Variants in DYNC2LI1 observed in about 807,000 individuals in gnomAD.
DYNC2LI1 encodes the protein dynein cytoplasmic 2 light intermediate chain 1.
In DYNC2LI1, 45 loss-of-function variants were observed where a neutral mutation model predicts 51.9. The ratio of observed to expected loss-of-function variants is 0.87; its 90% CI spans 0.68 to 1.11. DYNC2LI1 has a LOEUF of 1.11. DYNC2LI1 is among the 50% of genes most tolerant of loss of function. The pLI is 0.00. For missense variants in DYNC2LI1, 490 were observed against 417.4 expected, an observed-to-expected ratio of 1.17 and a Z score of -1.51; for synonymous variants, 130 against 137.8, an observed-to-expected ratio of 0.94 and a Z score of 0.40.
chr2:43,782,115 G>T (rs1231214140), intron 2 of DYNC2LI1, among the ~76,000 whole-genome samples: 1 of 151,904 alleles, frequency 6.6e-6, no homozygotes, highest in Admixed American at 6.6e-5. Context: ...TACTATGTCA[G>T]TAAGTATATT....
At chr2:43,823,910 T>TGG in the DYNC2LI1 span, 4 of 1,613,850 alleles carry the variant, frequency 2.5e-6, no homozygotes, top group Non-Finnish European at 3.4e-6. Context: ...CGTGGGCACT[T>TGG]ACACAGATTC....
At chr2:43,818,445 A>AAAAAAC in the DYNC2LI1 span, among the ~76,000 whole-genome samples, 15 of 152,352 alleles carry the variant, frequency 9.8e-5, no homozygotes, top group African/African-American at 3.4e-4. Flanking sequence ...CTGTGTTTCA[A>AAAAAAC]AAAAACAAAA....
rs75726568 is a variant in DYNC2LI1 at position 43,792,580 on chromosome 2, A to G, written c.321-1877A>G. On this transcript the variant is annotated intron_variant, in intron 5 of 12. Transcript: ENST00000260605. ...ACTGTGCAGTTCAGTAACATCAAGT[A>G]TATTCTCATCACCATACATCTCCAG... The G allele has an allele frequency of 7.0e-3, 8,952 of 1,272,596 alleles. 160 individuals are homozygous for G. Among genetic ancestry groups the G allele is most frequent in the African/African-American group, 0.061 (4,014 of 65,460 alleles). The allele number at this position is 1,272,596 out of a possible 1,614,324, so 78.8% of individuals were successfully genotyped here.
At chr2:43,813,180 A>G, downstream of DYNC2LI1, 1 of 1,552,378 alleles carries the variant, frequency 6.4e-7, no homozygotes, top group Non-Finnish European at 8.9e-7. Flanking sequence ...AAGAGCTGGA[A>G]TAAATGAATA....
At chr2:43,814,543 TA>T, downstream of DYNC2LI1, 1 of 1,609,390 alleles carries the variant, frequency 6.2e-7, no homozygotes, top group Non-Finnish European at 8.5e-7. Context: ...TTTTGGAATG[TA>T]AAATAACTGA....
At chr2:43,824,240 G>C in the DYNC2LI1 span, 1 of 1,614,238 alleles carries the variant, frequency 6.2e-7, no homozygotes, top group Admixed American at 1.7e-5. Flanking sequence ...ACCCAGTTTA[G>C]AGAAAACTCC....
rs147945833 is a variant in DYNC2LI1, at chr2:43,797,989, TG to T, written c.654+1196del. Reference sequence around the variant, plus strand: ...AAAAATTTTAAAAATTAGCTGGCCATGGTGGCACACACCAGTTGTCTCAGCT... The same window carrying T: ...AAAAATTTTAAAAATTAGCTGGCCATGTGGCACACACCAGTTGTCTCAGCT... On this transcript the variant is annotated intron_variant, in intron 8 of 12. Coordinates refer to ENST00000260605, the MANE Select transcript of DYNC2LI1 (RefSeq NM_016008.4). Among the ~76,000 whole-genome samples the T allele has an allele frequency of 6.2e-3, 936 of 151,818 alleles. 16 individuals are homozygous for T. Among genetic ancestry groups the T allele is most frequent in the African/African-American group, 0.021 (885 of 41,432 alleles).
At chr2:43,781,395 A>T (rs1214298938) in intron 2 of DYNC2LI1, among the ~76,000 whole-genome samples, 2 of 151,092 alleles carry the variant, frequency 1.3e-5, no homozygotes, top group African/African-American at 4.9e-5. Context: ...GGCGAGGGGG[A>T]GTGATTTAAA....
In DYNC2LI1 at chr2:43,801,576, A is replaced by G. The variant is rs900632964; in HGVS notation, c.732-63A>G. The G allele has an allele frequency of 2.5e-6, 3 of 1,212,520 alleles. No individual in the cohort carries two copies. The African/African-American group carries it at 4.5e-5, about 18-fold the overall frequency. The allele number at this position is 1,212,520 out of a possible 1,614,324, so 75.1% of individuals were successfully genotyped here. A position where few individuals can be genotyped will look rare whatever the true frequency, so the allele number is the denominator to read the frequency against. On this transcript the variant is annotated intron_variant, in intron 9 of 12. Transcript: ENST00000260605. ...CCGATAATATTGCTGTCATATTTAC[A>G]GGAGAGCGTGGCAGCAAATCTAATT...
chr2:43,822,259 T>C, the DYNC2LI1 span, among the ~76,000 whole-genome samples: 2 of 152,208 alleles, frequency 1.3e-5, no homozygotes, highest in Non-Finnish European at 2.9e-5. Context: ...CCTTCTCCCT[T>C]TATGCTTCAC....
chr2:43,818,542 C>G, the DYNC2LI1 span, among the ~76,000 whole-genome samples: 5 of 152,242 alleles, frequency 3.3e-5, no homozygotes, highest in African/African-American at 1.2e-4. Context: ...GAAATGGCAC[C>G]AGATTAACTG....
chr2:43,812,673 C>A (rs1233614603), downstream of DYNC2LI1: 3 of 197,194 alleles, frequency 1.5e-5, no homozygotes, highest in South Asian at 9.6e-5. Flanking sequence ...TGCATGATAA[C>A]CTTGCTTCAT....
the DYNC2LI1 span, chr2:43,826,642 G>T: frequency 2.3e-5 from 34 of 1,461,036 alleles, no homozygotes; most frequent in Non-Finnish European, 4.7e-6. Flanking sequence ...TGTGCGGTGG[G>T]AAGTAAACAT....
At chr2:43,813,876 G>A (rs71420072), downstream of DYNC2LI1, among the ~76,000 whole-genome samples, 13 of 151,470 alleles carry the variant, frequency 8.6e-5, no homozygotes, top group African/African-American at 2.4e-5. Flanking sequence ...GCACCACCAC[G>A]CCTGGCTAAT....
the DYNC2LI1 span, chr2:43,826,289 T>A: frequency 6.3e-7 from 1 of 1,585,708 alleles, no homozygotes; most frequent in South Asian, 1.1e-5. Context: ...TGTGAGCCAC[T>A]GTGCCTGGCC....
chr2:43,826,711 C>T, the DYNC2LI1 span, among the ~76,000 whole-genome samples: 5 of 152,332 alleles, frequency 3.3e-5, no homozygotes, highest in Admixed American at 1.3e-4. Context: ...GGGCCTAGTT[C>T]CCAGCTCTGG....
chr2:43,822,672 A>G, the DYNC2LI1 span: 1 of 1,559,904 alleles, frequency 6.4e-7, no homozygotes, highest in Non-Finnish European at 8.7e-7. Context: ...TGCACTAGAC[A>G]CTGATGGGCA....
the DYNC2LI1 span, among the ~76,000 whole-genome samples, chr2:43,823,719 G>T: frequency 6.6e-6 from 1 of 152,198 alleles, no homozygotes; most frequent in Non-Finnish European, 1.5e-5. Flanking sequence ...CCCTCAGAGA[G>T]ATCCACCTGG....
chr2:43,822,479 C>CG, the DYNC2LI1 span: 94,978 of 668,520 alleles, frequency 0.14, 14,070 homozygotes, highest in African/African-American at 0.43. Flanking sequence ...CTCCCCCAGG[C>CG]CCCCCCCCAT....
Sources: allele counts gnomAD v4.1 joint callset (sites outside exome capture counted in the v4.1 genomes callset), GRCh38; gene constraint gnomAD v4.1.1; transcripts MANE v1.5; gene names NCBI Gene and HGNC (gene_info 2026-07-23, HGNC 2026-07-21).